EYS: variants seen among roughly 807,000 people sequenced by gnomAD.
EYS encodes the protein protein eyes shut homolog.
In EYS, 250 loss-of-function variants were observed where a neutral mutation model predicts 282.1. That is an observed-to-expected ratio of 0.89 (90% CI 0.80 to 0.98). EYS has a LOEUF of 0.98. Ranked by LOEUF, EYS falls within the 50% of genes least tolerant of loss-of-function variation. EYS has a pLI of 0.00. For missense variants in EYS, 4,016 were observed against 3,709.0 expected, an observed-to-expected ratio of 1.08 and a Z score of -2.15; for synonymous variants, 1,355 against 1,282.9, an observed-to-expected ratio of 1.06 and a Z score of -1.20.
At chr6:64,096,154 A>G (rs1772604407) in intron 31 of EYS, among the ~76,000 whole-genome samples, 1 of 152,158 alleles carries the variant, frequency 6.6e-6, no homozygotes, top group Admixed American at 6.5e-5. Context: ...CTTGTGGGTA[A>G]CCCGACCTTT....
At chr6:65,475,752 G>GACACAC (rs199612356) in intron 5 of EYS, among the ~76,000 whole-genome samples, 27,627 of 143,990 alleles carry the variant, frequency 0.19, 2,880 homozygotes, top group Middle Eastern at 0.28. Context: ...CAGACAGACA[G>GACACAC]ACAGACACAC....
chr6:65,174,513 G>A (rs1454653431), intron 12 of EYS, among the ~76,000 whole-genome samples: 2 of 151,284 alleles, frequency 1.3e-5, no homozygotes, highest in Non-Finnish European at 3.0e-5. Context: ...AATCACTGAT[G>A]ATTTATGATA....
chr6:63,893,690 C>T (rs1023926625), intron 35 of EYS, among the ~76,000 whole-genome samples: 2 of 152,092 alleles, frequency 1.3e-5, no homozygotes, highest in Admixed American at 6.5e-5. Context: ...CTTGCATGTT[C>T]TGCACATGTA....
intron 7 of EYS, among the ~76,000 whole-genome samples, chr6:65,388,138 G>C (rs1361813879): frequency 1.3e-5 from 2 of 151,962 alleles, no homozygotes. Context: ...TCACTGCCTG[G>C]ATTTCAGGAA....
At chr6:63,787,817 T>A (rs899145961) in intron 39 of EYS, among the ~76,000 whole-genome samples, 14 of 152,244 alleles carry the variant, frequency 9.2e-5, no homozygotes, top group Admixed American at 2.0e-4. Context: ...TGCATGCCTG[T>A]AATCCCAGCT....
At chr6:64,743,305 C>T (rs1481763315) in intron 22 of EYS, among the ~76,000 whole-genome samples, 1 of 152,112 alleles carries the variant, frequency 6.6e-6, no homozygotes, top group African/African-American at 2.4e-5. Flanking sequence ...GTGTAGGTGA[C>T]AAAAGACAAA....
intron 11 of EYS, among the ~76,000 whole-genome samples, chr6:65,297,096 T>C (rs940142855): frequency 1.3e-5 from 2 of 151,442 alleles, no homozygotes; most frequent in Non-Finnish European, 3.0e-5. Flanking sequence ...AAGTTATTAA[T>C]ATAAATTCTT....
chr6:65,326,274 CTCAT>C (rs1420073591), intron 11 of EYS, among the ~76,000 whole-genome samples: 2 of 151,516 alleles, frequency 1.3e-5, no homozygotes, highest in Admixed American at 1.3e-4. Flanking sequence ...AATATTCACT[CTCAT>C]TGTCTTTTAG....
At chr6:65,448,948 T>A (rs916712554) in intron 5 of EYS, among the ~76,000 whole-genome samples, 1 of 152,122 alleles carries the variant, frequency 6.6e-6, no homozygotes, top group African/African-American at 2.4e-5. Context: ...CAATACAGCA[T>A]GCCATTCTAG....
chr6:63,881,680 C>T (rs9362231), intron 35 of EYS, among the ~76,000 whole-genome samples: 1 of 152,094 alleles, frequency 6.6e-6, no homozygotes, highest in Non-Finnish European at 1.5e-5. Context: ...CTCCCCTTGG[C>T]ACAAATATGC....
chr6:64,798,667 G>A (rs1774440350), intron 22 of EYS, among the ~76,000 whole-genome samples: 1 of 141,458 alleles, frequency 7.1e-6, no homozygotes, highest in African/African-American at 2.6e-5. Flanking sequence ...ATAACTCCTG[G>A]TGAGTTGAAC....
intron 11 of EYS, among the ~76,000 whole-genome samples, chr6:65,316,040 T>C (rs1350010219): frequency 6.6e-6 from 1 of 152,254 alleles, no homozygotes; most frequent in Non-Finnish European, 1.5e-5. Flanking sequence ...GATATCCTTT[T>C]CCTGAAGTGT....
At chr6:65,230,424 C>T (rs955770682) in intron 12 of EYS, among the ~76,000 whole-genome samples, 2 of 151,854 alleles carry the variant, frequency 1.3e-5, no homozygotes, top group African/African-American at 4.8e-5. Context: ...TACAATTATT[C>T]ATGCATACAA....
chr6:64,593,972 T>C (rs1228552369), intron 24 of EYS, among the ~76,000 whole-genome samples: 1 of 152,214 alleles, frequency 6.6e-6, no homozygotes, highest in Non-Finnish European at 1.5e-5. Flanking sequence ...GAATCATTTT[T>C]ATTTGTAAGA....
chr6:65,439,536 T>C (rs1043948131), intron 5 of EYS, among the ~76,000 whole-genome samples: 1 of 152,144 alleles, frequency 6.6e-6, no homozygotes, highest in African/African-American at 2.4e-5. Flanking sequence ...GAGCACTGGT[T>C]TGTAGTTCTC....
chr6:65,014,339 T>A (rs1561921820), intron 13 of EYS, among the ~76,000 whole-genome samples: 1 of 152,258 alleles, frequency 6.6e-6, no homozygotes, highest in Middle Eastern at 3.4e-3. Context: ...GATTTTTGAC[T>A]TGCAGAAATT....
chr6:64,181,003 T>C (rs1764773236), intron 31 of EYS, among the ~76,000 whole-genome samples: 1 of 152,148 alleles, frequency 6.6e-6, no homozygotes, highest in Admixed American at 6.6e-5. Flanking sequence ...CACCTTCGTG[T>C]CCATGTGTAC....
At chr6:64,393,203 C>G (rs1220153858) in intron 28 of EYS, among the ~76,000 whole-genome samples, 1 of 152,108 alleles carries the variant, frequency 6.6e-6, no homozygotes, top group East Asian at 1.9e-4. Context: ...ACCATAGGTA[C>G]AAGGAGGAAC....
chr6:65,613,401 T>C (rs966309079), intron 2 of EYS, among the ~76,000 whole-genome samples: 1 of 151,860 alleles, frequency 6.6e-6, no homozygotes, highest in Non-Finnish European at 1.5e-5. Flanking sequence ...ATCATAGTAA[T>C]TATGAACATA....
Sources: allele counts gnomAD v4.1 joint callset (sites outside exome capture counted in the v4.1 genomes callset), GRCh38; gene constraint gnomAD v4.1.1; transcripts MANE v1.5; gene names NCBI Gene and HGNC (gene_info 2026-07-23, HGNC 2026-07-21).